Variants in DSG4 observed in about 807,000 individuals in gnomAD.
DSG4 encodes the protein desmoglein 4, also known as desmoglein-4.
A neutral mutation model predicts 93.1 loss-of-function variants in DSG4; 87 were observed. That is an observed-to-expected ratio of 0.93 (90% CI 0.79 to 1.12). The LOEUF (loss-of-function observed/expected upper bound fraction) is 1.12, where lower values mean the gene tolerates loss of function less well. Ranked by LOEUF, DSG4 falls within the 50% of genes most tolerant of loss-of-function variation. The pLI, the probability that DSG4 is intolerant of heterozygous loss-of-function variation, is 0.00. For synonymous variants in DSG4, 432 were observed against 452.9 expected, an observed-to-expected ratio of 0.95 and a Z score of 0.59; for missense variants, 1,373 against 1,285.7, an observed-to-expected ratio of 1.07 and a Z score of -1.04.
rs2072530903 is a variant in DSG4 at position 31,414,185 on chromosome 18, G to T, written c.*590G>T. ...GCTTAATATAATAAGAAAAGAGTTTGCCAACTGAAAGCATGGCTGGAAATG... is the reference window on the plus strand; with the variant it reads ...GCTTAATATAATAAGAAAAGAGTTTTCCAACTGAAAGCATGGCTGGAAATG... On this transcript the variant is annotated 3_prime_UTR_variant, in exon 16 of 16. Coordinates refer to ENST00000308128, the MANE Select transcript of DSG4 (RefSeq NM_177986.5). 1 of 152,068 alleles carries T rather than the reference G, an allele frequency of 6.6e-6. No individual in the cohort carries two copies. The highest frequency in any genetic ancestry group is 1.5e-5 in the Non-Finnish European group (1 of 68,018). The allele number at this position is 152,068 out of a possible 1,614,324, so 9.4% of individuals were successfully genotyped here. A position where few individuals can be genotyped will look rare whatever the true frequency, so the allele number is the denominator to read the frequency against.
chr18:31,403,769 A>T (rs2072396028), intron 11 of DSG4, 135 bp downstream of exon 11: 2 of 800,390 alleles, frequency 2.5e-6, no homozygotes, highest in South Asian at 3.1e-5. Context: ...TTAAATGAAA[A>T]AAATATTTCA....
chr18:31,395,112 A>G (rs985236291), intron 8 of DSG4, among the ~76,000 whole-genome samples: 49 of 152,196 alleles, frequency 3.2e-4, no homozygotes, highest in African/African-American at 1.1e-3. Context: ...AATGGCATAG[A>G]TATCATCCAA....
At chr18:31,389,061 C>A (rs778642207) in intron 5 of DSG4, 43 bp downstream of exon 5, 1 of 1,606,726 alleles carries the variant, frequency 6.2e-7, no homozygotes, top group Non-Finnish European at 8.5e-7. Context: ...AGCATATCTA[C>A]TTCTCTTGGT....
At chr18:31,392,071 GTA>G (rs755238320) in intron 7 of DSG4, 82 bp from the exon 8 acceptor site, 706 of 1,305,704 alleles carry the variant, frequency 5.4e-4, no homozygotes, top group Non-Finnish European at 7.2e-4. Context: ...TTTGTTGTTA[GTA>G]TTTTAAATAA....
chr18:31,412,916 T>C lies in DSG4; in HGVS notation c.2444T>C (p.Val815Ala), dbSNP rs2072511274. ...GACCACGAGGGAGTCGGGTCTCCCGTAGGCTCTATTGGTTGTTGCAGTTGG... is the reference window on the plus strand; with the variant it reads ...GACCACGAGGGAGTCGGGTCTCCCGCAGGCTCTATTGGTTGTTGCAGTTGG... ...IYDHEGVGSP[V>A]GSIGCCSWIV... The change falls in exon 16 of 16, where the codon GTA becomes GCA. Residue 815 changes from valine to alanine, a missense_variant. Physicochemically the swap from Val to Ala is moderately conservative, Grantham distance 64. Coordinates refer to ENST00000308128, the MANE Select transcript of DSG4 (RefSeq NM_177986.5). 5.0e-6 allele frequency: 8 copies of C among 1,614,122 alleles called. No homozygotes were observed. The highest frequency in any genetic ancestry group is 1.3e-5 in the African/African-American group (1 of 74,942).
chr18:31,378,602 C>T (rs771478192), intron 1 of DSG4, among the ~76,000 whole-genome samples: 5 of 152,044 alleles, frequency 3.3e-5, no homozygotes, highest in South Asian at 2.1e-4. Flanking sequence ...GTAATACTAG[C>T]GTTTTTAATA....
chr18:31,404,180 C>G (rs1352233049), intron 11 of DSG4, among the ~76,000 whole-genome samples: 2 of 151,920 alleles, frequency 1.3e-5, no homozygotes, highest in Non-Finnish European at 2.9e-5. Flanking sequence ...AATGATTAAA[C>G]AGAGTACATA....
At chr18:31,405,413 G>A (rs10163755) in intron 11 of DSG4, among the ~76,000 whole-genome samples, 112,683 of 151,992 alleles carry the variant, frequency 0.74, 41,985 homozygotes, top group East Asian at 0.9. Context: ...TTTTCTTTCA[G>A]CTCAATATTA....
At chr18:31,395,882 G>A (rs1015315734) in intron 8 of DSG4, among the ~76,000 whole-genome samples, 1 of 152,114 alleles carries the variant, frequency 6.6e-6, no homozygotes, top group African/African-American at 2.4e-5. Flanking sequence ...CAGTTACTTG[G>A]GAGGGCTGAG....
chr18:31,391,022 T>C, intron 6 of DSG4, 56 bp from the exon 7 acceptor site: 2 of 1,606,036 alleles, frequency 1.2e-6, no homozygotes, highest in Non-Finnish European at 1.7e-6. Flanking sequence ...ATTGAATGCA[T>C]TGGATTCTAT....
chr18:31,402,718 C>T (rs745611028), intron 10 of DSG4, among the ~76,000 whole-genome samples: 6 of 150,652 alleles, frequency 4.0e-5, no homozygotes, highest in Non-Finnish European at 7.4e-5. Context: ...AAAAAAAATT[C>T]CGTATTCGCT....
At position 31,411,501 on chromosome 18, in the gene DSG4, T is replaced by A. The variant is rs977604297; in HGVS notation, c.2355+53T>A. On this transcript the variant is annotated intron_variant, in intron 15 of 15. Transcript: ENST00000308128. ...TCGTCTTGAGATTGAATAATAATAATAGTAAAATACTCACAATGGTAGTAG... is the reference window on the plus strand; with the variant it reads ...TCGTCTTGAGATTGAATAATAATAAAAGTAAAATACTCACAATGGTAGTAG... 14 of 1,585,664 alleles carry A rather than the reference T, an allele frequency of 8.8e-6. No homozygotes were observed. In the African/African-American group the frequency reaches 1.6e-4, roughly 18 times the overall value.
intron 1 of DSG4, among the ~76,000 whole-genome samples, chr18:31,381,479 C>T (rs566761639): frequency 1.9e-4 from 29 of 152,094 alleles, no homozygotes; most frequent in Non-Finnish European, 3.7e-4. Flanking sequence ...CCAGCATTGA[C>T]TCCCTTCTCC....
chr18:31,405,928 G>GT (rs1323374792), intron 11 of DSG4, 149 bp from the exon 12 acceptor site: 1 of 603,534 alleles, frequency 1.7e-6, no homozygotes. Context: ...TTAAATAAAT[G>GT]TTAAAAAAAA....
Position 31,401,755 on chromosome 18 carries a change from G to A in DSG4, c.1417+735G>A, listed in dbSNP as rs567533423. On this transcript the variant is annotated intron_variant, in intron 10 of 15. Coordinates refer to ENST00000308128, the MANE Select transcript of DSG4 (RefSeq NM_177986.5). ...AAGGTCAGGAACCACGAAGGAAGGG[G>A]AAAGACAGGCGTCCAAGATACATGC... The A allele has an allele frequency of 2.6e-5, 4 of 152,260 alleles. No individual in the cohort carries two copies. In the East Asian group the frequency reaches 5.8e-4, roughly 22 times the overall value. The allele number at this position is 152,260 out of a possible 1,614,324, so 9.4% of individuals were successfully genotyped here.
At chr18:31,410,290 T>C (rs1262566883) in intron 14 of DSG4, among the ~76,000 whole-genome samples, 1 of 151,956 alleles carries the variant, frequency 6.6e-6, no homozygotes, top group African/African-American at 2.4e-5. Flanking sequence ...CTTATGATAG[T>C]ACCTACTTTA....
At position 31,376,835 on chromosome 18, in the gene DSG4, G is replaced by A. The variant is rs558358175; in HGVS notation, c.-77G>A. On this transcript the variant is annotated 5_prime_UTR_variant, in exon 1 of 16. Transcript: ENST00000308128. Reference sequence around the variant, plus strand: ...GTGTCTCAAAGCATATCTTTCTGTAGAGCAGAATTCGGAACTGAGAAGACG... The same window carrying A: ...GTGTCTCAAAGCATATCTTTCTGTAAAGCAGAATTCGGAACTGAGAAGACG... 7 of 1,522,884 alleles carry A rather than the reference G, an allele frequency of 4.6e-6. No individual in the cohort carries two copies. In the African/African-American group the frequency reaches 8.2e-5, roughly 18 times the overall value. The allele number at this position is 1,522,884 out of a possible 1,614,324, so 94.3% of individuals were successfully genotyped here.
At chr18:31,387,252 T>C (rs2144170787) in intron 3 of DSG4, among the ~76,000 whole-genome samples, 1 of 152,258 alleles carries the variant, frequency 6.6e-6, no homozygotes, top group East Asian at 1.9e-4. Flanking sequence ...AAGAGAGTCT[T>C]ATAAGACTTT....
At chr18:31,383,313 A>T (rs907358030) in intron 1 of DSG4, among the ~76,000 whole-genome samples, 1 of 152,182 alleles carries the variant, frequency 6.6e-6, no homozygotes, top group Non-Finnish European at 1.5e-5. Flanking sequence ...TATAAAGCCA[A>T]ATTATAATTT....
Sources: allele counts gnomAD v4.1 joint callset (sites outside exome capture counted in the v4.1 genomes callset), GRCh38; gene constraint gnomAD v4.1.1; transcripts MANE v1.5; gene names NCBI Gene and HGNC (gene_info 2026-07-23, HGNC 2026-07-21).